PDGFC: variants seen among roughly 807,000 people sequenced by gnomAD.
PDGFC encodes the protein platelet derived growth factor C, also known as platelet-derived growth factor C.
A neutral mutation model predicts 35.5 loss-of-function variants in PDGFC; 12 were observed. The observed-to-expected ratio is 0.34, with a 90% CI of 0.22 to 0.55. The LOEUF (loss-of-function observed/expected upper bound fraction) is 0.55. Ranked by LOEUF, PDGFC falls within the 20% of genes least tolerant of loss-of-function variation. The pLI, the probability that PDGFC is intolerant of heterozygous loss-of-function variation, is 0.91. For synonymous variants in PDGFC, 159 were observed against 148.8 expected (o/e 1.07, Z -0.50); for missense variants, 322 against 412.4 (o/e 0.78, Z 1.90).
chr4:156,791,001 G>A (rs571669747), intron 3 of PDGFC, among the ~76,000 whole-genome samples: 1 of 152,238 alleles, frequency 6.6e-6, no homozygotes, highest in African/African-American at 2.4e-5. Flanking sequence ...CAAACCACCA[G>A]GGATTTTTCC....
intron 1 of PDGFC, among the ~76,000 whole-genome samples, chr4:156,877,587 A>AG (rs1471288062): frequency 6.6e-6 from 1 of 152,184 alleles, no homozygotes; most frequent in Non-Finnish European, 1.5e-5. Context: ...TTATATGCAA[A>AG]GGATTATTCG....
At chr4:156,935,307 T>A (rs1473704063) in intron 1 of PDGFC, among the ~76,000 whole-genome samples, 1 of 152,190 alleles carries the variant, frequency 6.6e-6, no homozygotes, top group Non-Finnish European at 1.5e-5. Context: ...ACAGTTAACT[T>A]TTTAAATATG....
At chr4:156,916,350 A>G (rs1302880404) in intron 1 of PDGFC, among the ~76,000 whole-genome samples, 2 of 152,156 alleles carry the variant, frequency 1.3e-5, no homozygotes, top group African/African-American at 4.8e-5. Flanking sequence ...TATGTCCCTC[A>G]TCCTATTAAG....
At chr4:156,855,371 C>T (rs1729549886) in intron 1 of PDGFC, among the ~76,000 whole-genome samples, 2 of 152,056 alleles carry the variant, frequency 1.3e-5, no homozygotes, top group Admixed American at 6.6e-5. Flanking sequence ...TGTCTTTATG[C>T]TAATGTTTTA....
intron 2 of PDGFC, among the ~76,000 whole-genome samples, chr4:156,844,672 T>TG (rs113251475): frequency 0.059 from 9,030 of 152,046 alleles, 888 homozygotes; most frequent in African/African-American, 0.21. Flanking sequence ...AATTACTTGA[T>TG]TTGCTACATT....
intron 1 of PDGFC, among the ~76,000 whole-genome samples, chr4:156,904,475 T>C (rs1011211017): frequency 3.9e-5 from 6 of 151,910 alleles, no homozygotes; most frequent in African/African-American, 1.2e-4. Context: ...TAGAAATTTA[T>C]CTTTCACATA....
chr4:156,933,778 A>T (rs1169842272), intron 1 of PDGFC, among the ~76,000 whole-genome samples: 1 of 152,100 alleles, frequency 6.6e-6, no homozygotes, highest in Non-Finnish European at 1.5e-5. Context: ...AGTTCTCCCA[A>T]GACCTGATGG....
chr4:156,843,046 T>C (rs1223474920), intron 2 of PDGFC, among the ~76,000 whole-genome samples: 1 of 152,164 alleles, frequency 6.6e-6, no homozygotes, highest in Non-Finnish European at 1.5e-5. Flanking sequence ...GTGATTTGTT[T>C]AGGTCACTGG....
chr4:156,782,407 G>C (rs1478976347), intron 3 of PDGFC, among the ~76,000 whole-genome samples: 1 of 152,108 alleles, frequency 6.6e-6, no homozygotes, highest in Non-Finnish European at 1.5e-5. Flanking sequence ...AGTGTACGGT[G>C]TTACATTAAA....
Position 156,850,163 on chromosome 4 carries a change from A to G in PDGFC, c.314+58T>C, listed in dbSNP as rs1277672836. The G allele has an allele frequency of 5.7e-6, 5 of 870,506 alleles. No individual in the cohort carries two copies. In the East Asian group the frequency reaches 1.3e-4, roughly 23 times the overall value. The allele number at this position is 870,506 out of a possible 1,614,324, so 53.9% of individuals were successfully genotyped here. ...TAAAATCAGATCATCAAAATTAAGC[A>G]ATTTGAAAGACTTTTAACAGTTGTT... On this transcript the variant is annotated intron_variant, in intron 2 of 5. Coordinates refer to ENST00000502773, the MANE Select transcript of PDGFC (RefSeq NM_016205.3).
At chr4:156,857,278 A>G (rs1729605271) in intron 1 of PDGFC, among the ~76,000 whole-genome samples, 1 of 152,098 alleles carries the variant, frequency 6.6e-6, no homozygotes, top group Non-Finnish European at 1.5e-5. Flanking sequence ...AAAAGAAGAC[A>G]TATGTAAGAT....
chr4:156,801,587 A>T (rs950658779), intron 3 of PDGFC, among the ~76,000 whole-genome samples: 4 of 152,194 alleles, frequency 2.6e-5, no homozygotes, highest in Non-Finnish European at 5.9e-5. Context: ...GAAGCCATTT[A>T]TAGAGCATGG....
chr4:156,961,149 A>G (rs1732333989), intron 1 of PDGFC, among the ~76,000 whole-genome samples: 1 of 152,046 alleles, frequency 6.6e-6, no homozygotes, highest in Non-Finnish European at 1.5e-5. Context: ...AGCTTTAATG[A>G]CTCTCAATTT....
At chr4:156,901,571 A>G (rs535587548) in intron 1 of PDGFC, among the ~76,000 whole-genome samples, 3 of 152,048 alleles carry the variant, frequency 2.0e-5, no homozygotes, top group Admixed American at 1.3e-4. Flanking sequence ...GAGAGAGAGC[A>G]GGGCAATGGC....
At chr4:156,854,566 GAT>G (rs1398148718) in intron 1 of PDGFC, among the ~76,000 whole-genome samples, 1 of 152,038 alleles carries the variant, frequency 6.6e-6, no homozygotes, top group East Asian at 1.9e-4. Context: ...ATGATTTGCA[GAT>G]GACTGTCAAA....
chr4:156,845,120 T>A (rs1192934452), intron 2 of PDGFC, among the ~76,000 whole-genome samples: 1 of 151,816 alleles, frequency 6.6e-6, no homozygotes, highest in African/African-American at 2.4e-5. Flanking sequence ...TATATGAAAA[T>A]TTAAAAATTG....
intron 3 of PDGFC, among the ~76,000 whole-genome samples, chr4:156,796,178 C>G (rs1731435270): frequency 6.6e-6 from 1 of 152,044 alleles, no homozygotes; most frequent in Non-Finnish European, 1.5e-5. Context: ...TCCTCCTTAC[C>G]CAAGTTAATA....
intron 1 of PDGFC, among the ~76,000 whole-genome samples, chr4:156,853,601 T>A (rs1158837034): frequency 6.6e-6 from 1 of 152,138 alleles, no homozygotes; most frequent in African/African-American, 2.4e-5. Context: ...CACCAGTGTA[T>A]CTCCTAAGAA....
intron 3 of PDGFC, among the ~76,000 whole-genome samples, chr4:156,777,196 A>G (rs151310712): frequency 6.6e-6 from 1 of 152,170 alleles, no homozygotes; most frequent in Non-Finnish European, 1.5e-5. Flanking sequence ...AAGACATCAA[A>G]TATCCTAGAA....
Sources: gnomAD v4.1 joint callset for allele counts (sites outside exome capture counted in the v4.1 genomes callset) on GRCh38, gnomAD v4.1.1 for gene constraint, MANE v1.5 for transcripts, NCBI Gene and HGNC (gene_info 2026-07-23, HGNC 2026-07-21) for gene names.